DPP10: variants seen among roughly 807,000 people sequenced by gnomAD.
DPP10 encodes the protein inactive dipeptidyl peptidase 10.
In DPP10, 33 loss-of-function variants were observed where a neutral mutation model predicts 120.9. That is an observed-to-expected ratio of 0.27 (90% CI 0.21 to 0.37). The LOEUF (loss-of-function observed/expected upper bound fraction) is 0.37, where lower values mean the gene tolerates loss of function less well. Among genes scored for constraint, DPP10 ranks in the 10% least tolerant of loss-of-function variants. The pLI, the probability that DPP10 is intolerant of heterozygous loss-of-function variation, is 1.00. For synonymous variants in DPP10, 337 were observed against 326.1 expected (o/e 1.03, Z -0.36); for missense variants, 816 against 942.8 (o/e 0.87, Z 1.76).
At chr2:114,820,574 G>C (rs1222481921) in intron 1 of DPP10, among the ~76,000 whole-genome samples, 1 of 152,172 alleles carries the variant, frequency 6.6e-6, no homozygotes, top group Non-Finnish European at 1.5e-5. Context: ...GTGCAGCATG[G>C]CTGGGGAGGC....
intron 1 of DPP10, among the ~76,000 whole-genome samples, chr2:115,296,780 A>G (rs2060903586): frequency 6.6e-6 from 1 of 152,030 alleles, no homozygotes; most frequent in Non-Finnish European, 1.5e-5. Context: ...TCTGGGTGCA[A>G]TAAGTTCATC....
In DPP10 at chr2:115,610,972, T is replaced by A. The variant is rs997694450; in HGVS notation, c.442-78715T>A. Among the ~76,000 whole-genome samples the A allele has an allele frequency of 5.1e-4, 77 of 152,188 alleles. 1 individual carries two copies. The highest frequency in any genetic ancestry group is 3.9e-3 in the Admixed American group (60 of 15,272). Reference sequence around the variant, plus strand: ...CCACCCACTTGATAATGGTTGAAAATTGGTATCTTAAGACACAGTTGTTTC... The same window carrying A: ...CCACCCACTTGATAATGGTTGAAAAATGGTATCTTAAGACACAGTTGTTTC... On this transcript the variant is annotated intron_variant, in intron 5 of 25. Transcript: ENST00000410059.
intron 3 of DPP10, among the ~76,000 whole-genome samples, chr2:115,472,088 G>A (rs1264114767): frequency 1.3e-5 from 2 of 151,852 alleles, no homozygotes; most frequent in Non-Finnish European, 2.9e-5. Flanking sequence ...AATTCTCCTG[G>A]CTGTGTTGTG....
At chr2:114,791,244 G>A (rs187369086) in intron 1 of DPP10, among the ~76,000 whole-genome samples, 34 of 152,254 alleles carry the variant, frequency 2.2e-4, no homozygotes, top group Admixed American at 7.8e-4. Flanking sequence ...GAGAAACAGT[G>A]GAGAAGCTCA....
At chr2:115,473,448 C>G (rs888419874) in intron 3 of DPP10, among the ~76,000 whole-genome samples, 1 of 152,168 alleles carries the variant, frequency 6.6e-6, no homozygotes, top group Non-Finnish European at 1.5e-5. Context: ...CTCCTTGACT[C>G]AGAACCAGAT....
At chr2:114,720,681 G>A (rs1375157980) in intron 1 of DPP10, among the ~76,000 whole-genome samples, 2 of 152,188 alleles carry the variant, frequency 1.3e-5, no homozygotes, top group Non-Finnish European at 2.9e-5. Flanking sequence ...ATCCACTTCT[G>A]TAGTAGAAAT....
chr2:114,518,739 G>A (rs1573548126), intron 1 of DPP10, among the ~76,000 whole-genome samples: 1 of 152,126 alleles, frequency 6.6e-6, no homozygotes, highest in Non-Finnish European at 1.5e-5. Flanking sequence ...CAGGTGATTC[G>A]TGTGCACATT....
rs1268517483 is a variant in DPP10, at chr2:115,063,436, CA to C, written c.61-245797del. Among the ~76,000 whole-genome samples, 4 of 151,636 alleles carry C rather than the reference CA, an allele frequency of 2.6e-5. No homozygotes were observed. In the East Asian group the frequency reaches 5.8e-4, roughly 22 times the overall value. On this transcript the variant is annotated intron_variant, in intron 1 of 25. Coordinates refer to ENST00000410059, the MANE Select transcript of DPP10 (RefSeq NM_020868.6). ...TTTTTGCTTTTGTTTCAATTGTTAC[CA>C]AAAAAGAGCCCATATAGCCAACATA...
chr2:114,653,027 A>AGAGT (rs1553476958), intron 1 of DPP10, among the ~76,000 whole-genome samples: 61 of 135,852 alleles, frequency 4.5e-4, no homozygotes, highest in Non-Finnish European at 5.2e-4. Context: ...AGAGAGAGAG[A>AGAGT]GTGTGTGTGT....
At position 114,598,926 on chromosome 2, in the gene DPP10, G is replaced by A. The variant is rs60874689; in HGVS notation, c.60+156088G>A. 2.0e-4 allele frequency among the ~76,000 whole-genome samples: 31 copies of A among 151,932 alleles called. No individual in the cohort carries two copies. In the East Asian group the frequency reaches 5.2e-3, roughly 26 times the overall value. On this transcript the variant is annotated intron_variant, in intron 1 of 25. Coordinates refer to ENST00000410059, the MANE Select transcript of DPP10 (RefSeq NM_020868.6). ...AATTTTATGTGTGGCCTGACTTCTC[G>A]AAATCTTAGTTTCCTCCCGGTGGAT...
chr2:114,961,563 T>C (rs1291614321), intron 1 of DPP10, among the ~76,000 whole-genome samples: 1 of 152,148 alleles, frequency 6.6e-6, no homozygotes, highest in Non-Finnish European at 1.5e-5. Context: ...TATCACATTG[T>C]GATTGTACCT....
intron 3 of DPP10, among the ~76,000 whole-genome samples, chr2:115,422,185 C>T (rs1190817113): frequency 2.0e-5 from 3 of 152,126 alleles, no homozygotes; most frequent in African/African-American, 4.8e-5. Context: ...TCAGTCCTCC[C>T]AAGGATCATT....
At chr2:114,646,188 A>G (rs1051273209) in intron 1 of DPP10, among the ~76,000 whole-genome samples, 4 of 151,236 alleles carry the variant, frequency 2.6e-5, no homozygotes, top group African/African-American at 7.3e-5. Context: ...ATAAATAAAT[A>G]AATAAATAAA....
intron 1 of DPP10, among the ~76,000 whole-genome samples, chr2:114,699,274 C>T (rs1559015329): frequency 6.6e-6 from 1 of 151,414 alleles, no homozygotes; most frequent in Non-Finnish European, 1.5e-5. Context: ...CATATGCATG[C>T]AATCATATAT....
intron 1 of DPP10, among the ~76,000 whole-genome samples, chr2:115,259,882 A>G (rs1377591400): frequency 6.6e-6 from 1 of 152,094 alleles, no homozygotes; most frequent in Non-Finnish European, 1.5e-5. Flanking sequence ...TTCTTTACTT[A>G]CAAATGTTTA....
At chr2:115,420,450 A>G (rs184998795) in intron 3 of DPP10, among the ~76,000 whole-genome samples, 1 of 152,336 alleles carries the variant, frequency 6.6e-6, no homozygotes, top group African/African-American at 2.4e-5. Flanking sequence ...TATTTTCACT[A>G]TAGATAGCTT....
intron 1 of DPP10, among the ~76,000 whole-genome samples, chr2:114,558,181 G>GAA (rs1688474802): frequency 6.6e-6 from 1 of 152,118 alleles, no homozygotes; most frequent in Admixed American, 6.5e-5. Context: ...CAGAGTGCCC[G>GAA]GGCGCTCCAG....
At chr2:114,899,491 CTT>C (rs1016861746) in intron 1 of DPP10, among the ~76,000 whole-genome samples, 24 of 152,246 alleles carry the variant, frequency 1.6e-4, no homozygotes, top group Admixed American at 8.5e-4. Context: ...TGAAACCACT[CTT>C]TTAACTTTTG....
At chr2:115,588,028 T>C (rs1434543045) in intron 5 of DPP10, among the ~76,000 whole-genome samples, 1 of 152,224 alleles carries the variant, frequency 6.6e-6, no homozygotes, top group East Asian at 1.9e-4. Flanking sequence ...TGTAAACTAT[T>C]ATACTTTTTA....
Sources: gnomAD v4.1 joint callset for allele counts (sites outside exome capture counted in the v4.1 genomes callset) on GRCh38, gnomAD v4.1.1 for gene constraint, MANE v1.5 for transcripts, NCBI Gene and HGNC (gene_info 2026-07-23, HGNC 2026-07-21) for gene names.